The following LAMC3 variants were observed in gnomAD, a reference collection of about 807,000 sequenced individuals.
The protein encoded by LAMC3 is laminin subunit gamma-3.
A neutral mutation model predicts 173.8 loss-of-function variants in LAMC3; 128 were observed. The observed-to-expected ratio is 0.74, with a 90% CI of 0.64 to 0.85. The LOEUF (loss-of-function observed/expected upper bound fraction) is 0.85. LAMC3 is among the 40% of genes least tolerant of loss of function. The probability of loss-of-function intolerance (pLI) is 0.00; values close to 1 mark genes in which losing one functional copy is unlikely to be tolerated. For synonymous variants in LAMC3, 897 were observed against 909.1 expected (o/e 0.99, Z 0.24); for missense variants, 2,022 against 2,156.0 (o/e 0.94, Z 1.23).
At chr9:131,047,149 T>C (rs1239719733) in intron 8 of LAMC3, among the ~76,000 whole-genome samples, 3 of 149,234 alleles carry the variant, frequency 2.0e-5, no homozygotes, top group Non-Finnish European at 3.0e-5. Context: ...CAAAACTTTT[T>C]GGTCTCTGAA....
chr9:131,043,953 C>A (rs1178358212), intron 7 of LAMC3, among the ~76,000 whole-genome samples: 1 of 141,470 alleles, frequency 7.1e-6, no homozygotes, highest in Non-Finnish European at 1.5e-5. Flanking sequence ...CATTTAGTGA[C>A]TTGCTGCTTT....
Position 131,026,669 on chromosome 9 carries a change from A to G in LAMC3, c.678+80A>G. 2 of 1,456,230 alleles carry G rather than the reference A, an allele frequency of 1.4e-6. No homozygotes were observed. Among genetic ancestry groups the G allele is most frequent in the South Asian group, 1.4e-5 (1 of 70,190 alleles). 90.2% of individuals were successfully genotyped at this position (1,456,230 alleles called of 1,614,324 possible). A position where few individuals can be genotyped will look rare whatever the true frequency, so the allele number is the denominator to read the frequency against. ...CAGTAGGAGGGTCTGATGTGCCAGGACACACAGGGTGGGGGACCTGCAAAA... is the reference window on the plus strand; with the variant it reads ...CAGTAGGAGGGTCTGATGTGCCAGGGCACACAGGGTGGGGGACCTGCAAAA... On this transcript the variant is annotated intron_variant, in intron 2 of 27. Transcript: ENST00000361069. The surrounding 1 kb of genome is among the most constrained non-coding windows in gnomAD (Gnocchi z 4.8).
chr9:131,038,934 C>G lies in LAMC3; in HGVS notation c.1047C>G (p.Gly349=). ...AGCTCTTCCGCAGCACAGGCCACGG[C>G]GGGCGCTGTCACCACTGCCGTGACC... ...DRELFRSTGH[G]GRCHHCRDHT... The change falls in exon 5 of 28, where the codon GGC becomes GGG. Residue 349 remains glycine (G), a synonymous_variant. Coordinates refer to ENST00000361069, the MANE Select transcript of LAMC3 (RefSeq NM_006059.4). 2 of 1,613,058 alleles carry G rather than the reference C, an allele frequency of 1.2e-6. No individual in the cohort carries two copies. Among genetic ancestry groups the G allele is most frequent in the Non-Finnish European group, 1.7e-6 (2 of 1,180,000 alleles).
At position 131,091,885 on chromosome 9, in the gene LAMC3, C is replaced by T. The variant is rs765234647; in HGVS notation, c.*98C>T. On this transcript the variant is annotated 3_prime_UTR_variant, in exon 28 of 28. Coordinates refer to ENST00000361069, the MANE Select transcript of LAMC3 (RefSeq NM_006059.4). ...CAGGTGTGCCCATACAGACATTCCCCGGAGCCGGCTGCTGTGAACTCGCCC... is the reference window on the plus strand; with the variant it reads ...CAGGTGTGCCCATACAGACATTCCCTGGAGCCGGCTGCTGTGAACTCGCCC... The T allele has an allele frequency of 1.7e-4, 252 of 1,458,800 alleles. No individual in the cohort carries two copies. The highest frequency in any genetic ancestry group is 2.1e-4 in the Non-Finnish European group (227 of 1,075,038). The allele number at this position is 1,458,800 out of a possible 1,614,324, so 90.4% of individuals were successfully genotyped here.
At chr9:131,017,213 A>G (rs1288328472) in intron 1 of LAMC3, among the ~76,000 whole-genome samples, 1 of 151,992 alleles carries the variant, frequency 6.6e-6, no homozygotes, top group African/African-American at 2.4e-5. Flanking sequence ...CTTGGTAAAC[A>G]TCTAGCAGCC....
In LAMC3 at chr9:131,032,072, A is replaced by G. The variant is rs767312790; in HGVS notation, c.706A>G (p.Ile236Val). ...GTGGGTCACCAGCACCGAACTCCTC[A>G]TCTCTCTAGACCGGCTCAACACGTT... is the stretch of plus-strand genomic sequence containing the variant. The part of the protein sequence containing the change: ...QEWVTSTELL[I>V]SLDRLNTFGD... Residue 236 changes from isoleucine (I) to valine (V), a missense_variant, in exon 3 of 28, where the codon ATC becomes GTC. By Grantham distance (29) the Ile-to-Val change is conservative (BLOSUM62 3). Transcript: ENST00000361069. 24 of 1,613,626 alleles carry G rather than the reference A, an allele frequency of 1.5e-5. No individual in the cohort carries two copies. Among genetic ancestry groups the G allele is most frequent in the African/African-American group, 6.7e-5 (5 of 74,798 alleles).
At chr9:131,069,586 A>G in intron 16 of LAMC3, 86 bp from the exon 17 acceptor site, 1 of 1,384,856 alleles carries the variant, frequency 7.2e-7, no homozygotes, top group Non-Finnish European at 1.0e-6. Context: ...AGAACCCAGC[A>G]CGCACTGCCC....
At chr9:131,043,800 G>A (rs111369325) in intron 7 of LAMC3, among the ~76,000 whole-genome samples, 8 of 152,302 alleles carry the variant, frequency 5.3e-5, no homozygotes, top group African/African-American at 1.7e-4. Flanking sequence ...TTGGTGGGCA[G>A]AACTTTAAGG....
rs10526087 is a variant in LAMC3, at chr9:131,041,366, C to CAAAAAAA, written c.1284-268_1284-262dup. Reference sequence around the variant, plus strand: ...TGGGTGGCAAAGTGTGACTCTGTCCCAAAAAAAAAGATTCATGGATGATGA... The same window carrying CAAAAAAA: ...TGGGTGGCAAAGTGTGACTCTGTCCCAAAAAAAAAAAAAAAAGATTCATGGATGATGA... On this transcript the variant is annotated intron_variant, in intron 6 of 27. Transcript: ENST00000361069. 5.2e-5 allele frequency among the ~76,000 whole-genome samples: 6 copies of CAAAAAAA among 114,558 alleles called. 1 individual carries two copies. Among genetic ancestry groups the CAAAAAAA allele is most frequent in the African/African-American group, 6.3e-5 (2 of 31,698 alleles). The allele number at this position is 114,558 out of a possible 152,430, so 75.2% of individuals were successfully genotyped here. A position where few individuals can be genotyped will look rare whatever the true frequency, so the allele number is the denominator to read the frequency against.
Position 131,011,053 on chromosome 9 carries a change from T to G in LAMC3, c.373+1466T>G, listed in dbSNP as rs967742525. Among the ~76,000 whole-genome samples the G allele has an allele frequency of 2.0e-5, 3 of 152,244 alleles. No homozygotes were observed. In the East Asian group the frequency reaches 5.8e-4, roughly 29 times the overall value. On this transcript the variant is annotated intron_variant, in intron 1 of 27. Coordinates refer to ENST00000361069, the MANE Select transcript of LAMC3 (RefSeq NM_006059.4). The stretch of plus-strand genomic sequence containing the variant: ...CTCAAATTATTTTTATAACTCATTT[T>G]TGCTGCTAAACCTGACCTGAGGCTA...
chr9:131,072,651 A>G lies in LAMC3; in HGVS notation c.3233A>G (p.Glu1078Gly). The G allele has an allele frequency of 6.2e-7, 1 of 1,610,524 alleles. No homozygotes were observed. Residue 1078 changes from glutamate (E) to glycine (G), a missense_variant, in exon 19 of 28, where the codon GAG becomes GGG. Coordinates refer to ENST00000361069, the MANE Select transcript of LAMC3 (RefSeq NM_006059.4). ...LLPGAREAFLEQMMSLEGAVK... is the reference protein window; with the variant it reads ...LLPGAREAFLGQMMSLEGAVK... Reference sequence around the variant, plus strand: ...ATAGGGGCTCGGGAAGCCTTCCTGGAGCAGATGATGAGCCTCGAGGGTGCT... The same window carrying G: ...ATAGGGGCTCGGGAAGCCTTCCTGGGGCAGATGATGAGCCTCGAGGGTGCT...
chr9:131,053,895 A>G (rs1012750723), intron 11 of LAMC3, among the ~76,000 whole-genome samples: 5 of 152,106 alleles, frequency 3.3e-5, no homozygotes, highest in Non-Finnish European at 5.9e-5. Context: ...CTGTAATTCC[A>G]GCTACTCAGG....
In LAMC3 at chr9:131,069,721, C is replaced by G. The variant is rs940847303; in HGVS notation, c.2940C>G (p.Asn980Lys). The change falls in exon 17 of 28, where the codon AAC becomes AAG. Residue 980 changes from asparagine to lysine, a missense_variant. Transcript: ENST00000361069. Reference protein sequence around the residue: ...LGAASAQCHENGTCVCRPGFE... With the variant: ...LGAASAQCHEKGTCVCRPGFE... Reference sequence around the variant, plus strand: ...CTGCCTCGGCCCAGTGCCACGAGAACGGCACATGCGTGTGCAGGCCTGGCT... The same window carrying G: ...CTGCCTCGGCCCAGTGCCACGAGAAGGGCACATGCGTGTGCAGGCCTGGCT... 1 of 1,603,568 alleles carries G rather than the reference C, an allele frequency of 6.2e-7. No homozygotes were observed. Among genetic ancestry groups the G allele is most frequent in the Non-Finnish European group, 8.5e-7 (1 of 1,176,080 alleles).
At chr9:131,036,440 G>A (rs933575480) in intron 4 of LAMC3, 108 bp downstream of exon 4, 13 of 1,241,602 alleles carry the variant, frequency 1.0e-5, no homozygotes, top group Non-Finnish European at 1.4e-5. Context: ...GGTACGCCCC[G>A]GGGGCAGCTC....
At position 131,070,112 on chromosome 9, in the gene LAMC3, G is replaced by A. The variant is rs561017127; in HGVS notation, c.3069+262G>A. 2.0e-4 allele frequency among the ~76,000 whole-genome samples: 30 copies of A among 152,368 alleles called. No individual in the cohort carries two copies. In the East Asian group the frequency reaches 5.8e-3, roughly 29 times the overall value. On this transcript the variant is annotated intron_variant, in intron 17 of 27. Transcript: ENST00000361069. ...CCTTTCCCCACCACGCCAGGCTGGG[G>A]TCTCACTCTCTCAGGTTCGGTGGGG...
intron 2 of LAMC3, among the ~76,000 whole-genome samples, 177 bp from the exon 3 acceptor site, chr9:131,031,868 G>A (rs979911882): frequency 3.9e-5 from 6 of 152,228 alleles, no homozygotes; most frequent in African/African-American, 1.2e-4. Flanking sequence ...AGGTTGGGGT[G>A]ACCCCCAAAG....
chr9:131,029,397 C>G lies in LAMC3; in HGVS notation c.679-2648C>G, dbSNP rs1206070487. ...ATGAAGACAGGCAGGGAGGGCCGGC[C>G]CCCGCTCCCACCTGCGTCTGTGCAG... On this transcript the variant is annotated intron_variant, in intron 2 of 27. Transcript: ENST00000361069. This position sits in a 1 kb window ranked among gnomAD's most constrained non-coding sequence, Gnocchi z 4.6. Among the ~76,000 whole-genome samples the G allele has an allele frequency of 3.3e-5, 5 of 152,198 alleles. No homozygotes were observed. The highest frequency in any genetic ancestry group is 1.2e-4 in the African/African-American group (5 of 41,452).
intron 20 of LAMC3, 122 bp downstream of exon 20, chr9:131,073,443 T>C: frequency 1.3e-6 from 1 of 759,976 alleles, no homozygotes; most frequent in South Asian, 1.4e-5. Flanking sequence ...AGCTGTCTGA[T>C]GGAGGCAGTG....
chr9:131,076,904 A>G (rs930956020), intron 21 of LAMC3, among the ~76,000 whole-genome samples: 1 of 152,150 alleles, frequency 6.6e-6, no homozygotes, highest in Non-Finnish European at 1.5e-5. Context: ...ATTTGCAAAC[A>G]TGTGATTCTT....
Sources: allele counts gnomAD v4.1 joint callset (sites outside exome capture counted in the v4.1 genomes callset), GRCh38; gene constraint gnomAD v4.1.1; non-coding constraint Gnocchi (gnomAD v3.1); transcripts MANE v1.5; gene names NCBI Gene and HGNC (gene_info 2026-07-23, HGNC 2026-07-21).